The following PCNX2 variants were observed in gnomAD, a reference collection of about 807,000 sequenced individuals.
PCNX2 encodes pecanex 2, also known as pecanex-like protein 2.
PCNX2 carries 168 observed loss-of-function variants against 223.8 expected under a neutral mutation model. That is an observed-to-expected ratio of 0.75 (90% CI 0.66 to 0.85). PCNX2 has a LOEUF of 0.85. Ranked by LOEUF, PCNX2 falls within the 40% of genes least tolerant of loss-of-function variation. The pLI is 0.00. For missense variants in PCNX2, 2,507 were observed against 2,675.5 expected, an observed-to-expected ratio of 0.94 and a Z score of 1.39; for synonymous variants, 1,006 against 1,052.6, an observed-to-expected ratio of 0.96 and a Z score of 0.86.
intron 10 of PCNX2, among the ~76,000 whole-genome samples, chr1:233,220,022 T>C (rs73109280): frequency 0.036 from 5,468 of 152,322 alleles, 256 homozygotes; most frequent in African/African-American, 0.11. Context: ...GACCATATAG[T>C]TGGAACCATA....
chr1:232,989,131 G>A (rs929953280), intron 32 of PCNX2, among the ~76,000 whole-genome samples: 6 of 151,932 alleles, frequency 3.9e-5, no homozygotes, highest in Non-Finnish European at 7.4e-5. Flanking sequence ...CAAGACCCTT[G>A]TTAGAATTTG....
At chr1:233,293,674 G>A (rs1447246363) in intron 1 of PCNX2, among the ~76,000 whole-genome samples, 1 of 152,136 alleles carries the variant, frequency 6.6e-6, no homozygotes, top group Non-Finnish European at 1.5e-5. Context: ...ATTAAAAAGG[G>A]CTATCTCTTA....
intron 21 of PCNX2, among the ~76,000 whole-genome samples, chr1:233,111,700 A>T (rs1675126191): frequency 6.6e-6 from 1 of 152,130 alleles, no homozygotes; most frequent in South Asian, 2.1e-4. Flanking sequence ...CACCACACTC[A>T]GCCCCAAATT....
At chr1:233,198,292 C>A (rs1052403898) in intron 15 of PCNX2, among the ~76,000 whole-genome samples, 2 of 152,152 alleles carry the variant, frequency 1.3e-5, no homozygotes, top group Admixed American at 1.3e-4. Flanking sequence ...CTTCACCTCC[C>A]CCATTCTTCT....
At chr1:233,091,833 C>T (rs901626252) in intron 22 of PCNX2, among the ~76,000 whole-genome samples, 3 of 149,860 alleles carry the variant, frequency 2.0e-5, no homozygotes, top group Admixed American at 6.7e-5. Context: ...TAAAATGTCA[C>T]ATCCTCCATT....
At chr1:233,162,391 C>A (rs573602602) in intron 17 of PCNX2, among the ~76,000 whole-genome samples, 3 of 152,272 alleles carry the variant, frequency 2.0e-5, no homozygotes, top group African/African-American at 7.2e-5. Flanking sequence ...GGGATTTATG[C>A]CTTTTAAATC....
At chr1:233,060,503 C>A (rs1672366209) in intron 23 of PCNX2, among the ~76,000 whole-genome samples, 1 of 152,198 alleles carries the variant, frequency 6.6e-6, no homozygotes, top group African/African-American at 2.4e-5. Context: ...ACCCCCAGGA[C>A]CTCTGGCTCT....
the PCNX2 span, among the ~76,000 whole-genome samples, chr1:233,321,718 C>G: frequency 1.3e-5 from 2 of 152,062 alleles, no homozygotes; most frequent in African/African-American, 4.8e-5. Flanking sequence ...TAAATAAAAT[C>G]GGTATTTTTT....
intron 8 of PCNX2, among the ~76,000 whole-genome samples, chr1:233,243,271 T>G (rs898488329): frequency 6.6e-6 from 1 of 152,174 alleles, no homozygotes; most frequent in Non-Finnish European, 1.5e-5. Flanking sequence ...AGGAATGGCT[T>G]TTTTGCCAAT....
intron 24 of PCNX2, among the ~76,000 whole-genome samples, chr1:233,055,609 G>A (rs1258725249): frequency 6.6e-6 from 1 of 152,110 alleles, no homozygotes; most frequent in African/African-American, 2.4e-5. Context: ...GTAAGCATTG[G>A]GAGAAGCCTA....
At chr1:233,108,434 C>A (rs1674928269) in intron 21 of PCNX2, among the ~76,000 whole-genome samples, 1 of 152,216 alleles carries the variant, frequency 6.6e-6, no homozygotes. Flanking sequence ...AGTTGGTGAA[C>A]ACAGCTATGT....
chr1:233,099,549 G>C (rs1674364749), intron 21 of PCNX2, among the ~76,000 whole-genome samples: 1 of 152,210 alleles, frequency 6.6e-6, no homozygotes, highest in South Asian at 2.1e-4. Context: ...CAAAAAGATT[G>C]ATTTGGCTCA....
At chr1:233,197,629 T>C (rs1272900598) in intron 15 of PCNX2, among the ~76,000 whole-genome samples, 1 of 152,092 alleles carries the variant, frequency 6.6e-6, no homozygotes, top group Non-Finnish European at 1.5e-5. Context: ...GCCCCTCCCC[T>C]TTTTTTCTGA....
At chr1:233,164,101 T>C (rs982677217) in intron 17 of PCNX2, among the ~76,000 whole-genome samples, 3 of 152,162 alleles carry the variant, frequency 2.0e-5, no homozygotes, top group African/African-American at 7.2e-5. Context: ...TCTTAACTTT[T>C]TAAGAAACTG....
intron 8 of PCNX2, among the ~76,000 whole-genome samples, chr1:233,249,960 C>T (rs1659352882): frequency 6.6e-6 from 1 of 152,212 alleles, no homozygotes; most frequent in Non-Finnish European, 1.5e-5. Context: ...CTTGGAAAGA[C>T]ACATGGGGTC....
intron 5 of PCNX2, among the ~76,000 whole-genome samples, chr1:233,254,469 T>A (rs999609862): frequency 2.0e-5 from 3 of 152,242 alleles, no homozygotes; most frequent in Non-Finnish European, 4.4e-5. Context: ...TCCTTTTCTC[T>A]TAAATGGGTA....
At chr1:233,143,253 T>G (rs544573504) in intron 19 of PCNX2, among the ~76,000 whole-genome samples, 3 of 152,328 alleles carry the variant, frequency 2.0e-5, no homozygotes, top group African/African-American at 7.2e-5. Flanking sequence ...CTCTTCTCAC[T>G]TCTCATAGCT....
intron 32 of PCNX2, among the ~76,000 whole-genome samples, chr1:232,995,808 G>A (rs1313673473): frequency 6.6e-6 from 1 of 152,178 alleles, no homozygotes; most frequent in Non-Finnish European, 1.5e-5. Context: ...AGGAACACCA[G>A]CTCTTCCAGG....
rs536316132 is a variant in PCNX2 at position 233,209,232 on chromosome 1, T to TA, written c.2692-544dup. On this transcript the variant is annotated intron_variant, in intron 12 of 33. Transcript: ENST00000258229. ...GTGTGCACAGTGGAATCATTCAGCT[T>TA]AAAAAAAGTGTTATTTATACTATGT... Among the ~76,000 whole-genome samples the TA allele has an allele frequency of 9.9e-5, 15 of 152,272 alleles. No individual in the cohort carries two copies. In the East Asian group the frequency reaches 2.9e-3, roughly 29 times the overall value.
Sources: gnomAD v4.1 joint callset for allele counts (sites outside exome capture counted in the v4.1 genomes callset) on GRCh38, gnomAD v4.1.1 for gene constraint, MANE v1.5 for transcripts, NCBI Gene and HGNC (gene_info 2026-07-23, HGNC 2026-07-21) for gene names.